Variants in RANBP2 observed in about 807,000 individuals in gnomAD.
RANBP2 encodes RAN binding protein 2, also known as E3 SUMO-protein ligase RanBP2.
A neutral mutation model predicts 303.6 loss-of-function variants in RANBP2; 57 were observed. The ratio of observed to expected loss-of-function variants is 0.19; its 90% CI spans 0.15 to 0.23. The LOEUF is 0.23. Ranked by LOEUF, RANBP2 falls within the 10% of genes least tolerant of loss-of-function variation. RANBP2 has a pLI of 1.00. For synonymous variants in RANBP2, 1,167 were observed against 1,301.5 expected, an observed-to-expected ratio of 0.90 and a Z score of 2.23; for missense variants, 3,138 against 3,780.8, an observed-to-expected ratio of 0.83 and a Z score of 4.46.
At chr2:108,826,349 TA>T in the RANBP2 span, among the ~76,000 whole-genome samples, 1 of 152,208 alleles carries the variant, frequency 6.6e-6, no homozygotes, top group African/African-American at 2.4e-5. Context: ...CACAAAGATT[TA>T]TCTGTATGTT....
the RANBP2 span, among the ~76,000 whole-genome samples, chr2:109,475,550 T>TA: frequency 1.3e-5 from 2 of 152,194 alleles, no homozygotes; most frequent in Admixed American, 1.3e-4. Context: ...GACAGGGACA[T>TA]ATGCCACAGA....
At chr2:109,582,149 C>G in the RANBP2 span, among the ~76,000 whole-genome samples, 1 of 151,468 alleles carries the variant, frequency 6.6e-6, no homozygotes, top group East Asian at 1.9e-4. Context: ...TATATCTAAC[C>G]AAGGAGGTGA....
the RANBP2 span, chr2:109,585,056 T>C: frequency 1.2e-6 from 1 of 847,106 alleles, no homozygotes; most frequent in Non-Finnish European, 1.8e-6. Flanking sequence ...CAAATCATAG[T>C]TCATGGGGCT....
At chr2:109,590,150 G>A in the RANBP2 span, among the ~76,000 whole-genome samples, 1 of 151,354 alleles carries the variant, frequency 6.6e-6, no homozygotes, top group Non-Finnish European at 1.5e-5. Context: ...ATCTCGAAGG[G>A]TAATGACAGA....
chr2:109,494,488 CG>C, the RANBP2 span, among the ~76,000 whole-genome samples: 9,016 of 152,236 alleles, frequency 0.059, 351 homozygotes, highest in East Asian at 0.23. Flanking sequence ...GCTGACTCCT[CG>C]GGCTGGGACA....
At chr2:109,292,577 C>A in the RANBP2 span, among the ~76,000 whole-genome samples, 2 of 152,222 alleles carry the variant, frequency 1.3e-5, no homozygotes, top group Non-Finnish European at 2.9e-5. Flanking sequence ...CCCCTAGTTT[C>A]ACATTGCATT....
intron 25 of RANBP2, among the ~76,000 whole-genome samples, chr2:108,780,296 G>A (rs529350537): frequency 1.4e-4 from 20 of 147,206 alleles, no homozygotes; most frequent in Non-Finnish European, 2.5e-4. Context: ...AAGTTCAAGC[G>A]ATTCTCCTGC....
the RANBP2 span, among the ~76,000 whole-genome samples, chr2:109,242,413 A>C: frequency 6.6e-6 from 1 of 152,082 alleles, no homozygotes; most frequent in Admixed American, 6.5e-5. Flanking sequence ...ACACCCATAG[A>C]GCAGCCCGTG....
the RANBP2 span, among the ~76,000 whole-genome samples, chr2:109,322,760 TA>T: frequency 1.3e-5 from 2 of 152,194 alleles, no homozygotes; most frequent in Non-Finnish European, 2.9e-5. Flanking sequence ...TTCCAGCAAA[TA>T]AGGATTCAAA....
At chr2:108,976,763 T>TG in the RANBP2 span, among the ~76,000 whole-genome samples, 1 of 152,248 alleles carries the variant, frequency 6.6e-6, no homozygotes, top group Non-Finnish European at 1.5e-5. Flanking sequence ...GCTCTTTTAG[T>TG]TGGTTTGTGT....
the RANBP2 span, among the ~76,000 whole-genome samples, chr2:109,222,983 G>A: frequency 6.6e-6 from 1 of 152,220 alleles, no homozygotes; most frequent in South Asian, 2.1e-4. Context: ...AACAGGGTCT[G>A]TACTCACTGC....
the RANBP2 span, among the ~76,000 whole-genome samples, chr2:109,109,522 G>A: frequency 3.3e-5 from 5 of 152,202 alleles, no homozygotes; most frequent in Admixed American, 6.5e-5. Flanking sequence ...CAGGAAATCC[G>A]AGAACACTAA....
At chr2:108,908,200 A>ACC in the RANBP2 span, among the ~76,000 whole-genome samples, 1 of 151,880 alleles carries the variant, frequency 6.6e-6, no homozygotes, top group Non-Finnish European at 1.5e-5. Context: ...CGAGACATAC[A>ACC]CCGGTGGCTT....
the RANBP2 span, among the ~76,000 whole-genome samples, chr2:109,263,129 A>C: frequency 3.9e-5 from 6 of 152,220 alleles, no homozygotes; most frequent in East Asian, 1.9e-4. Context: ...TATAGGCGTG[A>C]GCCACCACGC....
At chr2:109,735,503 T>G in the RANBP2 span, among the ~76,000 whole-genome samples, 1 of 152,170 alleles carries the variant, frequency 6.6e-6, no homozygotes, top group Non-Finnish European at 1.5e-5. Flanking sequence ...TCTCTTTTTC[T>G]TTTTTAGTAG....
At chr2:109,676,615 G>A in the RANBP2 span, among the ~76,000 whole-genome samples, 2 of 152,208 alleles carry the variant, frequency 1.3e-5, no homozygotes, top group Non-Finnish European at 2.9e-5. Flanking sequence ...CTTGCTGAAG[G>A]AGGGGTTGTG....
At chr2:109,061,018 G>A in the RANBP2 span, among the ~76,000 whole-genome samples, 1 of 151,940 alleles carries the variant, frequency 6.6e-6, no homozygotes, top group Non-Finnish European at 1.5e-5. Context: ...CTTCAAACTT[G>A]CTCCATTTCT....
the RANBP2 span, among the ~76,000 whole-genome samples, chr2:109,491,985 T>A: frequency 4.2e-4 from 64 of 152,218 alleles, no homozygotes; most frequent in African/African-American, 1.5e-3. Flanking sequence ...TATCCTCACA[T>A]ATTCTTCTGT....
At chr2:109,533,937 C>G in the RANBP2 span, among the ~76,000 whole-genome samples, 2 of 152,194 alleles carry the variant, frequency 1.3e-5, no homozygotes, top group Non-Finnish European at 2.9e-5. Flanking sequence ...ACTCACACTG[C>G]CTGGAGGGGA....
Sources: allele counts gnomAD v4.1 joint callset (sites outside exome capture counted in the v4.1 genomes callset), GRCh38; gene constraint gnomAD v4.1.1; transcripts MANE v1.5; gene names NCBI Gene and HGNC (gene_info 2026-07-23, HGNC 2026-07-21).